NCOA2: variants seen among roughly 807,000 people sequenced by gnomAD.
NCOA2 encodes nuclear receptor coactivator 2, also known as class E basic helix-loop-helix protein 75.
NCOA2 carries 21 observed loss-of-function variants against 145.1 expected under a neutral mutation model. The ratio of observed to expected loss-of-function variants is 0.14; its 90% CI spans 0.10 to 0.21. The LOEUF (loss-of-function observed/expected upper bound fraction) is 0.21. Ranked by LOEUF, NCOA2 falls within the 10% of genes least tolerant of loss-of-function variation. The pLI, the probability that NCOA2 is intolerant of heterozygous loss-of-function variation, is 1.00. For missense variants in NCOA2, 1,472 were observed against 1,837.6 expected (o/e 0.80, Z 3.64); for synonymous variants, 619 against 637.5 (o/e 0.97, Z 0.44).
At chr8:70,386,882 A>G (rs1812720253) in intron 1 of NCOA2, among the ~76,000 whole-genome samples, 2 of 152,082 alleles carry the variant, frequency 1.3e-5, no homozygotes, top group South Asian at 4.2e-4. Context: ...CAGTATACTT[A>G]ACCATTATTA....
chr8:70,378,078 T>C (rs967401343), intron 1 of NCOA2, among the ~76,000 whole-genome samples: 4 of 152,142 alleles, frequency 2.6e-5, no homozygotes, highest in African/African-American at 9.7e-5. Context: ...CAGTTACTTA[T>C]TTCCTGGAAG....
intron 2 of NCOA2, among the ~76,000 whole-genome samples, chr8:70,265,358 G>A (rs888550138): frequency 6.6e-6 from 1 of 152,156 alleles, no homozygotes; most frequent in Non-Finnish European, 1.5e-5. Flanking sequence ...CCTGCCTCCG[G>A]AACTGTGAGA....
chr8:70,439,530 A>C, the NCOA2 span, among the ~76,000 whole-genome samples: 3 of 152,228 alleles, frequency 2.0e-5, no homozygotes, highest in African/African-American at 7.2e-5. Context: ...ATTCAAAAAA[A>C]TTTACTGAGC....
intron 1 of NCOA2, among the ~76,000 whole-genome samples, chr8:70,336,883 A>G (rs868359304): frequency 1.3e-5 from 2 of 152,116 alleles, no homozygotes; most frequent in African/African-American, 4.8e-5. Context: ...CCTTTGGACT[A>G]TTGTAAATAA....
chr8:70,264,790 T>C (rs1196309768), intron 2 of NCOA2, among the ~76,000 whole-genome samples: 1 of 152,002 alleles, frequency 6.6e-6, no homozygotes, highest in Non-Finnish European at 1.5e-5. Flanking sequence ...AATGGAATAC[T>C]GCACAACATT....
chr8:70,395,230 G>C (rs1813544265), intron 1 of NCOA2, among the ~76,000 whole-genome samples: 1 of 152,248 alleles, frequency 6.6e-6, no homozygotes. Flanking sequence ...GAAGTGGTCA[G>C]AAGTTTGAAT....
the NCOA2 span, among the ~76,000 whole-genome samples, chr8:70,414,858 G>A: frequency 6.6e-6 from 1 of 152,016 alleles, no homozygotes; most frequent in East Asian, 1.9e-4. Flanking sequence ...AGCCATTCAA[G>A]GACTTGTTAT....
intron 1 of NCOA2, among the ~76,000 whole-genome samples, chr8:70,316,938 C>T (rs968877733): frequency 1.2e-4 from 18 of 152,094 alleles, no homozygotes; most frequent in Non-Finnish European, 5.9e-5. Flanking sequence ...AGTCCCCTGT[C>T]TTCCTCACAC....
intron 4 of NCOA2, among the ~76,000 whole-genome samples, chr8:70,175,738 T>G (rs1814759316): frequency 6.6e-6 from 1 of 152,252 alleles, no homozygotes; most frequent in Non-Finnish European, 1.5e-5. Flanking sequence ...CAAAACAACG[T>G]GACAATTATT....
chr8:70,407,640 A>G (rs1244104368), upstream of NCOA2, among the ~76,000 whole-genome samples: 1 of 151,934 alleles, frequency 6.6e-6, no homozygotes, highest in Non-Finnish European at 1.5e-5. Flanking sequence ...TACAAAAAAA[A>G]AAAAAAATTA....
At chr8:70,424,454 G>A in the NCOA2 span, 840 of 500,582 alleles carry the variant, frequency 1.7e-3, 13 homozygotes, top group South Asian at 9.8e-3. Context: ...AATACCACAT[G>A]AGCATATCTT....
At chr8:70,311,047 T>C (rs1052316409) in intron 1 of NCOA2, among the ~76,000 whole-genome samples, 5 of 151,946 alleles carry the variant, frequency 3.3e-5, no homozygotes, top group African/African-American at 7.3e-5. Flanking sequence ...TTAAAATCAT[T>C]AGCACCTAGC....
chr8:70,394,346 G>C (rs1813471880), intron 1 of NCOA2, among the ~76,000 whole-genome samples: 2 of 152,140 alleles, frequency 1.3e-5, no homozygotes, highest in African/African-American at 4.8e-5. Flanking sequence ...ACTGAGATGG[G>C]GTTTCTCCAT....
chr8:70,217,280 C>T (rs1204242692), intron 2 of NCOA2, among the ~76,000 whole-genome samples: 1 of 152,326 alleles, frequency 6.6e-6, no homozygotes, highest in East Asian at 1.9e-4. Context: ...ATCTGACACC[C>T]CTGTAGCCCC....
intron 1 of NCOA2, among the ~76,000 whole-genome samples, chr8:70,389,407 A>C (rs1218481078): frequency 6.6e-6 from 1 of 151,734 alleles, no homozygotes; most frequent in African/African-American, 2.4e-5. Context: ...CAGCCTCCGG[A>C]GTAGCTGGGA....
At chr8:70,246,427 C>A (rs1018103697) in intron 2 of NCOA2, among the ~76,000 whole-genome samples, 4 of 152,020 alleles carry the variant, frequency 2.6e-5, no homozygotes, top group African/African-American at 9.7e-5. Context: ...CACGAGGAGA[C>A]TAAAAGAATG....
intron 4 of NCOA2, among the ~76,000 whole-genome samples, chr8:70,209,542 T>C (rs894199434): frequency 1.3e-5 from 2 of 152,148 alleles, no homozygotes; most frequent in Non-Finnish European, 2.9e-5. Context: ...ACTTCACTGT[T>C]ATCTTACTTT....
At chr8:70,424,927 AC>A in the NCOA2 span, among the ~76,000 whole-genome samples, 1 of 151,988 alleles carries the variant, frequency 6.6e-6, no homozygotes, top group African/African-American at 2.4e-5. Flanking sequence ...CAAGTGCCCC[AC>A]CTCCCAAATG....
chr8:70,372,226 C>CG (rs1365909191), intron 1 of NCOA2, among the ~76,000 whole-genome samples: 1 of 152,096 alleles, frequency 6.6e-6, no homozygotes, highest in African/African-American at 2.4e-5. Context: ...TTTCTGGAAA[C>CG]CAGATTCTGT....
Sources: gnomAD v4.1 joint callset for allele counts (sites outside exome capture counted in the v4.1 genomes callset) on GRCh38, gnomAD v4.1.1 for gene constraint, MANE v1.5 for transcripts, NCBI Gene and HGNC (gene_info 2026-07-23, HGNC 2026-07-21) for gene names.